ANOS1: variants seen among roughly 807,000 people sequenced by gnomAD.
ANOS1 encodes the protein anosmin-1.
In ANOS1, 6 loss-of-function variants were observed where a neutral mutation model predicts 59.0. The ratio of observed to expected loss-of-function variants is 0.10; its 90% confidence interval spans 0.06 to 0.20. ANOS1 has a LOEUF of 0.20. Ranked by LOEUF, ANOS1 falls within the 10% of genes least tolerant of loss-of-function variation. The pLI, the probability that ANOS1 is intolerant of heterozygous loss-of-function variation, is 1.00. For synonymous variants in ANOS1, 217 were observed against 223.4 expected (o/e 0.97, Z 0.25); for missense variants, 433 against 542.3 (o/e 0.80, Z 2.00).
chrX:8,651,436 C>T (rs974002601), intron 2 of ANOS1, among the ~76,000 whole-genome samples: 2 of 111,480 alleles, frequency 1.8e-5, no homozygotes, highest in Non-Finnish European at 3.8e-5. Flanking sequence ...GTTACCTCAT[C>T]GATGGGGGAA....
intron 9 of ANOS1, among the ~76,000 whole-genome samples, chrX:8,541,456 AC>A (rs199648847): frequency 0.02 from 2,131 of 106,710 alleles, 67 homozygotes; most frequent in African/African-American, 0.07. Flanking sequence ...CAAAAAAAAA[AC>A]CAGAAGGTAA....
chrX:8,731,710 AG>A (rs1410043935), intron 1 of ANOS1, 119 bp downstream of exon 1: 167 of 1,096,030 alleles, frequency 1.5e-4, no homozygotes, highest in Non-Finnish European at 1.9e-4. Context: ...AGGGGAAGCC[AG>A]GATCAGCCGG....
chrX:8,612,550 A>AG (rs201432914), intron 3 of ANOS1, among the ~76,000 whole-genome samples: 23,252 of 89,738 alleles, frequency 0.26, 2,389 homozygotes, highest in South Asian at 0.35. Flanking sequence ...TAAAACAAGA[A>AG]GTTTTTTTTT....
At chrX:8,623,566 G>A in intron 3 of ANOS1, 42 bp downstream of exon 3, 1 of 1,026,329 alleles carries the variant, frequency 9.7e-7, no homozygotes, top group Non-Finnish European at 1.4e-6. Flanking sequence ...AGCATAGTCA[G>A]ATTTGGGTCA....
At chrX:8,586,185 C>T in intron 5 of ANOS1, among the ~76,000 whole-genome samples, 1 of 112,113 alleles carries the variant, frequency 8.9e-6, no homozygotes, top group East Asian at 2.8e-4. Flanking sequence ...AGGTGCCGAA[C>T]TCAACTTGGA....
chrX:8,679,545 CA>C (rs201433193), intron 2 of ANOS1, among the ~76,000 whole-genome samples: 36,626 of 89,314 alleles, frequency 0.41, 5,279 homozygotes, highest in East Asian at 0.63. Context: ...GGATTTCTTG[CA>C]AAAAAAAAAA....
intron 8 of ANOS1, among the ~76,000 whole-genome samples, chrX:8,555,447 T>TG (rs1929935789): frequency 9.0e-6 from 1 of 111,385 alleles, no homozygotes; most frequent in African/African-American, 3.3e-5. Context: ...AGAAGCTGGT[T>TG]TTTTGAAAAC....
chrX:8,684,943 G>A (rs1194994748), intron 2 of ANOS1, among the ~76,000 whole-genome samples: 3 of 110,353 alleles, frequency 2.7e-5, no homozygotes, highest in East Asian at 2.9e-4. Context: ...AGCCCCACAA[G>A]AGAAGTCTGC....
chrX:8,666,742 G>T (rs1333073827), intron 2 of ANOS1, among the ~76,000 whole-genome samples: 1 of 112,019 alleles, frequency 8.9e-6, no homozygotes, highest in Non-Finnish European at 1.9e-5. Flanking sequence ...TGAAACTGTG[G>T]CGTCCATCCA....
At chrX:8,546,109 G>C (rs770466859) in intron 9 of ANOS1, among the ~76,000 whole-genome samples, 1 of 111,795 alleles carries the variant, frequency 8.9e-6, no homozygotes, top group Non-Finnish European at 1.9e-5. Context: ...TTCACATTCC[G>C]TACAGTGCTC....
intron 9 of ANOS1, among the ~76,000 whole-genome samples, chrX:8,541,351 C>T (rs1330374599): frequency 6.9e-5 from 7 of 101,295 alleles, no homozygotes; most frequent in Non-Finnish European, 1.0e-4. Flanking sequence ...TTCAGTGAGC[C>T]GAGATCACGC....
intron 10 of ANOS1, among the ~76,000 whole-genome samples, chrX:8,538,431 G>T (rs1226697615): frequency 1.8e-5 from 2 of 111,831 alleles, no homozygotes; most frequent in Non-Finnish European, 3.8e-5. Flanking sequence ...TTTTTCAGGA[G>T]TTTGATTTTT....
At chrX:8,587,719 G>T in intron 5 of ANOS1, 75 bp downstream of exon 5, 1 of 821,064 alleles carries the variant, frequency 1.2e-6, no homozygotes. Flanking sequence ...GGCATAGCAA[G>T]TTAATTTTTT....
chrX:8,565,861 A>T (rs1930102673), intron 8 of ANOS1: 4 of 202,769 alleles, frequency 2.0e-5, no homozygotes, highest in Non-Finnish European at 2.9e-5. Flanking sequence ...GGAGGTGCTA[A>T]GTGGGTGGCT....
intron 2 of ANOS1, among the ~76,000 whole-genome samples, chrX:8,668,100 G>C (rs889280530): frequency 3.7e-5 from 4 of 107,854 alleles, no homozygotes; most frequent in Non-Finnish European, 5.7e-5. Context: ...AAGTTCTTTA[G>C]TGGTGATTTG....
At chrX:8,705,163 T>C (rs770162707) in intron 1 of ANOS1, among the ~76,000 whole-genome samples, 198 of 111,374 alleles carry the variant, frequency 1.8e-3, no homozygotes, top group Middle Eastern at 4.7e-3. Context: ...TTTTACCTTA[T>C]CTAATTGCGG....
At chrX:8,689,528 C>A (rs1341242534) in intron 2 of ANOS1, among the ~76,000 whole-genome samples, 1 of 107,230 alleles carries the variant, frequency 9.3e-6, no homozygotes, top group African/African-American at 3.4e-5. Flanking sequence ...GAGATCTTGT[C>A]TCTACAAATA....
chrX:8,678,546 T>C (rs1198709578), intron 2 of ANOS1, among the ~76,000 whole-genome samples: 6 of 112,330 alleles, frequency 5.3e-5, no homozygotes, highest in East Asian at 2.8e-4. Flanking sequence ...AGAAAGAACA[T>C]GGGCTTTAAA....
intron 2 of ANOS1, among the ~76,000 whole-genome samples, chrX:8,628,210 A>C (rs757786273): frequency 6.8e-4 from 76 of 112,008 alleles, no homozygotes; most frequent in African/African-American, 2.0e-3. Flanking sequence ...TACAAGTGCC[A>C]TGGCAATGTC....
Sources: gnomAD v4.1 joint callset for allele counts (sites outside exome capture counted in the v4.1 genomes callset) on GRCh38, gnomAD v4.1.1 for gene constraint, MANE v1.5 for transcripts, NCBI Gene and HGNC (gene_info 2026-07-23, HGNC 2026-07-21) for gene names.